NELL1: variants seen among roughly 807,000 people sequenced by gnomAD.
NELL1 encodes neural EGFL like 1.
NELL1 carries 76 observed loss-of-function variants against 107.4 expected under a neutral mutation model. That is an observed-to-expected ratio of 0.71 (90% CI 0.59 to 0.86). The LOEUF (loss-of-function observed/expected upper bound fraction) is 0.86, where lower values mean the gene tolerates loss of function less well. Among genes scored for constraint, NELL1 ranks in the 40% least tolerant of loss-of-function variants. The pLI is 0.00. For synonymous variants in NELL1, 353 were observed against 341.2 expected, an observed-to-expected ratio of 1.03 and a Z score of -0.38; for missense variants, 1,024 against 1,005.5, an observed-to-expected ratio of 1.02 and a Z score of -0.25.
chr11:21,097,503 A>T (rs756082319), intron 12 of NELL1, among the ~76,000 whole-genome samples: 1 of 152,088 alleles, frequency 6.6e-6, no homozygotes, highest in Non-Finnish European at 1.5e-5. Flanking sequence ...CCAACTGGCT[A>T]CTTGTACATA....
chr11:21,511,456 A>G (rs2133944770), intron 15 of NELL1, among the ~76,000 whole-genome samples: 1 of 152,292 alleles, frequency 6.6e-6, no homozygotes, highest in Non-Finnish European at 1.5e-5. Flanking sequence ...ATGTTGGATG[A>G]GAAAGATAAG....
intron 12 of NELL1, among the ~76,000 whole-genome samples, chr11:21,045,391 A>G (rs1201044615): frequency 6.6e-6 from 1 of 152,150 alleles, no homozygotes; most frequent in Non-Finnish European, 1.5e-5. Context: ...ACTTTTTCAT[A>G]GTAGTATTTT....
intron 2 of NELL1, among the ~76,000 whole-genome samples, chr11:20,729,073 G>A (rs1218286529): frequency 6.6e-6 from 1 of 151,980 alleles, no homozygotes; most frequent in Admixed American, 6.6e-5. Flanking sequence ...GCTATTATAA[G>A]TGGGATTACA....
rs576516399 is a variant in NELL1, at chr11:21,002,794, A to T, written c.1300+42234A>T. 1.2e-4 allele frequency among the ~76,000 whole-genome samples: 19 copies of T among 152,138 alleles called. No homozygotes were observed. In the East Asian group the frequency reaches 1.6e-3, roughly 12 times the overall value. On this transcript the variant is annotated intron_variant, in intron 12 of 19. Coordinates refer to ENST00000357134, the MANE Select transcript of NELL1 (RefSeq NM_006157.5). The stretch of plus-strand genomic sequence containing the variant: ...TTAAACTTGTTCTTCTGCCAATCCT[A>T]TTTCCACCTGCAGTTGTCACACTCT...
At chr11:21,537,337 T>C (rs1041647219) in intron 16 of NELL1, among the ~76,000 whole-genome samples, 1 of 152,180 alleles carries the variant, frequency 6.6e-6, no homozygotes, top group Non-Finnish European at 1.5e-5. Flanking sequence ...TCCTGCCTGC[T>C]TCTTGGACTC....
chr11:20,958,417 TAAC>T (rs1308379203), intron 11 of NELL1, among the ~76,000 whole-genome samples: 1 of 151,950 alleles, frequency 6.6e-6, no homozygotes, highest in Non-Finnish European at 1.5e-5. Context: ...TGTCTCAAAA[TAAC>T]AACAAAACCC....
intron 15 of NELL1, among the ~76,000 whole-genome samples, chr11:21,486,266 C>T (rs1457696815): frequency 6.6e-6 from 1 of 152,166 alleles, no homozygotes; most frequent in East Asian, 1.9e-4. Flanking sequence ...CACAGGGACC[C>T]GAAGACTGGC....
At chr11:21,472,837 TCCTTCCCTTC>T (rs1854218411) in intron 15 of NELL1, among the ~76,000 whole-genome samples, 1 of 151,440 alleles carries the variant, frequency 6.6e-6, no homozygotes, top group African/African-American at 2.4e-5. Context: ...CCCTTCCCTT[TCCTTCCCTTC>T]CTCTTCTTTC....
chr11:20,910,602 C>G (rs996309994), intron 5 of NELL1, among the ~76,000 whole-genome samples: 3 of 152,176 alleles, frequency 2.0e-5, no homozygotes, highest in Non-Finnish European at 4.4e-5. Context: ...TGCTGTTGCC[C>G]TCTTCAATTG....
intron 15 of NELL1, among the ~76,000 whole-genome samples, chr11:21,375,061 A>G (rs1851443248): frequency 2.6e-5 from 4 of 151,928 alleles, no homozygotes; most frequent in South Asian, 2.1e-4. Context: ...TTCAACTTTT[A>G]TTTTAGATTC....
chr11:21,107,329 A>G (rs1474490719), intron 12 of NELL1, among the ~76,000 whole-genome samples: 1 of 152,078 alleles, frequency 6.6e-6, no homozygotes, highest in Non-Finnish European at 1.5e-5. Flanking sequence ...GCCCAATTAA[A>G]AAAAAATCAG....
chr11:21,510,340 C>G (rs1006702940), intron 15 of NELL1, among the ~76,000 whole-genome samples: 2 of 152,096 alleles, frequency 1.3e-5, no homozygotes, highest in African/African-American at 4.8e-5. Flanking sequence ...TAGAAGTGCT[C>G]TGTGGAATTT....
intron 2 of NELL1, among the ~76,000 whole-genome samples, chr11:20,721,357 A>C (rs1199422470): frequency 1.3e-5 from 2 of 151,882 alleles, no homozygotes; most frequent in South Asian, 4.2e-4. Context: ...AATCTCAGTG[A>C]CATACAATAT....
intron 14 of NELL1, among the ~76,000 whole-genome samples, chr11:21,327,189 C>G (rs1431864378): frequency 3.2e-5 from 2 of 63,046 alleles, no homozygotes; most frequent in African/African-American, 6.7e-5. Flanking sequence ...GTGGGGGGGA[C>G]TGTTGTGGGG....
At chr11:21,534,028 T>C (rs1856064315) in intron 15 of NELL1, among the ~76,000 whole-genome samples, 1 of 152,128 alleles carries the variant, frequency 6.6e-6, no homozygotes, top group South Asian at 2.1e-4. Flanking sequence ...ATTGCCAATT[T>C]AGAAATTTTT....
chr11:21,531,054 T>A (rs955178424), intron 15 of NELL1, among the ~76,000 whole-genome samples: 1 of 152,138 alleles, frequency 6.6e-6, no homozygotes, highest in Non-Finnish European at 1.5e-5. Flanking sequence ...ATCACTGTGA[T>A]AGGACAAGAT....
intron 16 of NELL1, among the ~76,000 whole-genome samples, chr11:21,537,482 C>T (rs1385231984): frequency 6.6e-6 from 1 of 152,116 alleles, no homozygotes; most frequent in Non-Finnish European, 1.5e-5. Flanking sequence ...TGTATGGCTG[C>T]CATGTTATTA....
intron 14 of NELL1, among the ~76,000 whole-genome samples, chr11:21,273,309 G>A (rs903400585): frequency 6.6e-6 from 1 of 152,180 alleles, no homozygotes; most frequent in Admixed American, 6.5e-5. Flanking sequence ...ATCAGTGATG[G>A]AAGATGAGAT....
At chr11:21,538,854 A>G (rs1230739889) in intron 16 of NELL1, among the ~76,000 whole-genome samples, 1 of 152,154 alleles carries the variant, frequency 6.6e-6, no homozygotes, top group African/African-American at 2.4e-5. Context: ...AGTTTCCACA[A>G]TATTGCTCCC....
Sources: gnomAD v4.1 joint callset for allele counts (sites outside exome capture counted in the v4.1 genomes callset) on GRCh38, gnomAD v4.1.1 for gene constraint, MANE v1.5 for transcripts, NCBI Gene and HGNC (gene_info 2026-07-23, HGNC 2026-07-21) for gene names.